LDHB: variants seen among roughly 807,000 people sequenced by gnomAD.
LDHB encodes L-lactate dehydrogenase B chain.
In LDHB, 18 loss-of-function variants were observed where a neutral mutation model predicts 33.4. That is an observed-to-expected ratio of 0.54 (90% CI 0.37 to 0.80). The LOEUF (loss-of-function observed/expected upper bound fraction) is 0.80. LDHB is among the 30% of genes least tolerant of loss of function. The probability of loss-of-function intolerance (pLI) is 0.00; values close to 1 mark genes in which losing one functional copy is unlikely to be tolerated. For missense variants in LDHB, 345 were observed against 407.9 expected (o/e 0.85, Z 1.33); for synonymous variants, 121 against 140.6 (o/e 0.86, Z 0.98).
intron 1 of LDHB, among the ~76,000 whole-genome samples, chr12:21,656,129 A>C (rs183242420): frequency 6.6e-6 from 1 of 152,374 alleles, no homozygotes; most frequent in Admixed American, 6.5e-5. Context: ...CTAGTCTATT[A>C]ACTGTATACG....
chr12:21,636,436 A>C (rs1292832347), intron 7 of LDHB, among the ~76,000 whole-genome samples: 11 of 151,896 alleles, frequency 7.2e-5, no homozygotes, highest in African/African-American at 2.7e-4. Context: ...ATAACTAATT[A>C]TATTAAACAT....
In LDHB at chr12:21,652,874, TA is replaced by T. The variant is rs1591835778; in HGVS notation, c.129+1668del. Among the ~76,000 whole-genome samples the T allele has an allele frequency of 2.7e-5, 4 of 148,880 alleles. No individual in the cohort carries two copies. In the East Asian group the frequency reaches 7.7e-4, roughly 29 times the overall value. Reference sequence around the variant, plus strand: ...TGGGTGTGCACTACGTTTTTTAGTTTATTTTTTTGATAACTGTTTCTTAGTA... The same window carrying T: ...TGGGTGTGCACTACGTTTTTTAGTTTTTTTTTTGATAACTGTTTCTTAGTA... On this transcript the variant is annotated intron_variant, in intron 2 of 7. Transcript: ENST00000350669.
chr12:21,643,715 T>C (rs549282499), intron 4 of LDHB: 3 of 535,984 alleles, frequency 5.6e-6, no homozygotes, highest in East Asian at 5.9e-5. Context: ...AGCAAAAACA[T>C]GAAATTGCTT....
chr12:21,641,887 A>C, intron 5 of LDHB, 65 bp downstream of exon 5: 1 of 1,381,894 alleles, frequency 7.2e-7, no homozygotes, highest in Non-Finnish European at 1.0e-6. Context: ...AATTTGAAAT[A>C]AAATGAAAAA....
chr12:21,644,444 AAC>A (rs1296466941), intron 3 of LDHB, among the ~76,000 whole-genome samples: 1,485 of 115,424 alleles, frequency 0.013, 56 homozygotes, highest in African/African-American at 0.044. Context: ...AAAAAAAAAA[AAC>A]AAAAACAAAA....
At chr12:21,641,223 C>T (rs140584987) in intron 5 of LDHB, among the ~76,000 whole-genome samples, 146 of 152,214 alleles carry the variant, frequency 9.6e-4, no homozygotes, top group South Asian at 6.6e-3. Context: ...TGGCAAAATA[C>T]AACCTTAACT....
rs1399364869 is a variant in LDHB, at chr12:21,635,508, A to G, written c.*34T>C. The G allele has an allele frequency of 2.6e-6, 4 of 1,554,216 alleles. No homozygotes were observed. In the East Asian group the frequency reaches 6.7e-5, roughly 26 times the overall value. On this transcript the variant is annotated 3_prime_UTR_variant, in exon 8 of 8. Transcript: ENST00000350669. Reference sequence around the variant, plus strand: ...TAAAGGCTCGAGTTAATCACATTGTAGTTTTTAAATTTCTACAGCCTAGAG... The same window carrying G: ...TAAAGGCTCGAGTTAATCACATTGTGGTTTTTAAATTTCTACAGCCTAGAG...
rs267607212 is a variant in LDHB at position 21,635,574 on chromosome 12, A to G, written c.973T>C (p.Trp325Arg). Residue 325 changes from tryptophan (W) to arginine (R), a missense_variant, in exon 8 of 8, where the codon TGG (tryptophan) becomes CGG (arginine). Transcript: ENST00000350669. ...TCTTTTAGGTCCTTCTGGATGTCCC[A>G]CAGGGTATCTGCACTTTTCTTGAGC... ...AQLKKSADTL[W>R]DIQKDLKDL 6.2e-7 allele frequency: 1 copy of G among 1,612,538 alleles called. No individual in the cohort carries two copies. The highest frequency in any genetic ancestry group is 2.2e-5 in the East Asian group (1 of 44,878).
chr12:21,636,990 T>C, intron 7 of LDHB, 81 bp downstream of exon 7: 1 of 1,142,886 alleles, frequency 8.7e-7, no homozygotes, highest in Admixed American at 1.7e-5. Context: ...TGATTTTATC[T>C]GGTCTGAGCC....
At chr12:21,640,040 T>C (rs543241257) in intron 5 of LDHB, among the ~76,000 whole-genome samples, 36 of 152,052 alleles carry the variant, frequency 2.4e-4, no homozygotes, top group South Asian at 4.1e-4. Flanking sequence ...TGGGAGAAAA[T>C]AGTCCTTTAC....
chr12:21,646,995 G>A lies in LDHB; in HGVS notation c.151C>T (p.Leu51Phe), dbSNP rs752638212. Reference sequence around the variant, plus strand: ...AGCTTATCTTCCAAAACATCCACAAGAGCAAGTTCATCAGCCAGAGACTGT... The same window carrying A: ...AGCTTATCTTCCAAAACATCCACAAAAGCAAGTTCATCAGCCAGAGACTGT... ...LGKSLADELA[L>F]VDVLEDKLKG... The change falls in exon 3 of 8, where the codon CTT (leucine) becomes TTT (phenylalanine). Residue 51 changes from leucine (L) to phenylalanine (F), a missense_variant. Leu to Phe is a conservative substitution (Grantham distance 22, BLOSUM62 0). Coordinates refer to ENST00000350669, the MANE Select transcript of LDHB (RefSeq NM_002300.8). 1.9e-6 allele frequency: 3 copies of A among 1,613,206 alleles called. No homozygotes were observed. The highest frequency in any genetic ancestry group is 2.2e-5 in the East Asian group (1 of 44,858).
At position 21,654,592 on chromosome 12, in the gene LDHB, A is replaced by T; in HGVS notation, c.80T>A (p.Val27Glu). 1 of 1,614,078 alleles carries T rather than the reference A, an allele frequency of 6.2e-7. No homozygotes were observed. The highest frequency in any genetic ancestry group is 8.5e-7 in the Non-Finnish European group (1 of 1,179,924). Residue 27 changes from valine to glutamate, a missense_variant, in exon 2 of 8, where the codon GTG becomes GAG. Transcript: ENST00000350669. ...CGCCATACCAACTTGTCCAACACCC[A>T]CTACAGTGATCTTATTGTTTGGAAC... ...ATVPNNKITV[V>E]GVGQVGMACA...
At chr12:21,646,276 A>T (rs1216257874) in intron 3 of LDHB, among the ~76,000 whole-genome samples, 1 of 152,244 alleles carries the variant, frequency 6.6e-6, no homozygotes, top group Non-Finnish European at 1.5e-5. Flanking sequence ...TAAAAAGATA[A>T]GAAATCTTTA....
At chr12:21,647,151 T>TA (rs1938548689) in intron 2 of LDHB, 135 bp from the exon 3 acceptor site, 1 of 650,198 alleles carries the variant, frequency 1.5e-6, no homozygotes, top group East Asian at 2.6e-5. Flanking sequence ...ACCATGGAGT[T>TA]AGATACTCAA....
intron 1 of LDHB, chr12:21,657,444 G>A (rs563472966): frequency 6.6e-6 from 1 of 152,550 alleles, no homozygotes; most frequent in African/African-American, 2.4e-5. Context: ...GGCCGTGGGG[G>A]TGATGTGGCC....
At chr12:21,636,851 T>A (rs904682696) in intron 7 of LDHB, among the ~76,000 whole-genome samples, 2 of 152,148 alleles carry the variant, frequency 1.3e-5, no homozygotes, top group Non-Finnish European at 2.9e-5. Flanking sequence ...CAAAATTATA[T>A]AAAGAATGAC....
In LDHB at chr12:21,656,289, T is replaced by C. The variant is rs371382348; in HGVS notation, c.-7+1462A>G. Among the ~76,000 whole-genome samples, 3 of 152,348 alleles carry C rather than the reference T, an allele frequency of 2.0e-5. No individual in the cohort carries two copies. In the East Asian group the frequency reaches 5.8e-4, roughly 29 times the overall value. Reference sequence around the variant, plus strand: ...AATTAAAAGGAGATTCTTTCGCCTTTACAGATCACATTTACAGTTTCCTAG... The same window carrying C: ...AATTAAAAGGAGATTCTTTCGCCTTCACAGATCACATTTACAGTTTCCTAG... On this transcript the variant is annotated intron_variant, in intron 1 of 7. Transcript: ENST00000350669.
At chr12:21,655,812 C>A (rs1266458905) in intron 1 of LDHB, among the ~76,000 whole-genome samples, 1 of 152,070 alleles carries the variant, frequency 6.6e-6, no homozygotes, top group Admixed American at 6.5e-5. Flanking sequence ...CATCAGATAA[C>A]CAGATGTGTT....
rs564113989 is a variant in LDHB, at chr12:21,635,736, T to C, written c.838-27A>G. 23 of 1,607,434 alleles carry C rather than the reference T, an allele frequency of 1.4e-5. No homozygotes were observed. The South Asian group carries it at 2.2e-4, about 15-fold the overall frequency. On this transcript the variant is annotated intron_variant, in intron 7 of 7. Transcript: ENST00000350669. Reference sequence around the variant, plus strand: ...TGCCAGAACAACAAAGCATCGAGATTAAGACATGAAACTGTAAGTAAAAAT... The same window carrying C: ...TGCCAGAACAACAAAGCATCGAGATCAAGACATGAAACTGTAAGTAAAAAT...
Sources: gnomAD v4.1 joint callset for allele counts (sites outside exome capture counted in the v4.1 genomes callset) on GRCh38, gnomAD v4.1.1 for gene constraint, MANE v1.5 for transcripts, NCBI Gene and HGNC (gene_info 2026-07-23, HGNC 2026-07-21) for gene names.